Variants in BLTP3A observed in about 807,000 individuals in gnomAD.
BLTP3A encodes the protein ICBP90 binding protein 1.
At chr6:34,792,149 GGT>G in the BLTP3A span, 1 of 1,139,086 alleles carries the variant, frequency 8.8e-7, no homozygotes, top group African/African-American at 1.7e-5. Context: ...GGCTGTGTCC[GGT>G]GCTCACGCCG....
chr6:34,848,903 C>T, the BLTP3A span, among the ~76,000 whole-genome samples: 6 of 145,290 alleles, frequency 4.1e-5, no homozygotes, highest in Non-Finnish European at 9.0e-5. Context: ...TCCTGTCTTC[C>T]TTTCTGTGAA....
the BLTP3A span, chr6:34,835,374 C>A: frequency 6.2e-7 from 1 of 1,614,104 alleles, no homozygotes; most frequent in Middle Eastern, 1.6e-4. Flanking sequence ...ACTCACAGCT[C>A]AAGGCTATGA....
chr6:34,802,688 T>C, the BLTP3A span, among the ~76,000 whole-genome samples: 8 of 152,300 alleles, frequency 5.3e-5, no homozygotes, highest in South Asian at 1.7e-3. Flanking sequence ...GTCCAAATCC[T>C]GGTGATTCCA....
the BLTP3A span, among the ~76,000 whole-genome samples, chr6:34,843,770 T>C: frequency 6.6e-6 from 1 of 152,210 alleles, no homozygotes; most frequent in African/African-American, 2.4e-5. Flanking sequence ...AGTAGTGGGA[T>C]TGCCTGATCA....
chr6:34,858,677 G>T, the BLTP3A span: 1 of 1,614,102 alleles, frequency 6.2e-7, no homozygotes, highest in Non-Finnish European at 8.5e-7. Flanking sequence ...TCCCATCCGC[G>T]GTCAAAGACT....
the BLTP3A span, among the ~76,000 whole-genome samples, chr6:34,805,420 C>G: frequency 2.0e-5 from 3 of 151,658 alleles, no homozygotes; most frequent in Admixed American, 2.0e-4. Flanking sequence ...TGGCAAAACC[C>G]CATCTGTACT....
chr6:34,865,936 G>A, the BLTP3A span, among the ~76,000 whole-genome samples: 1 of 152,150 alleles, frequency 6.6e-6, no homozygotes, highest in Non-Finnish European at 1.5e-5. Flanking sequence ...GCAGGCCCGG[G>A]GCAGTGGCTC....
At chr6:34,822,588 G>A in the BLTP3A span, among the ~76,000 whole-genome samples, 11 of 152,114 alleles carry the variant, frequency 7.2e-5, no homozygotes, top group East Asian at 1.9e-4. Flanking sequence ...TTTGGGCCGG[G>A]TGCGGTGCTG....
chr6:34,807,764 G>A, the BLTP3A span, among the ~76,000 whole-genome samples: 1 of 152,230 alleles, frequency 6.6e-6, no homozygotes, highest in Non-Finnish European at 1.5e-5. Flanking sequence ...TGTAGGCTGG[G>A]TGCGGTGGCT....
At chr6:34,821,437 TTTGTTC>T in the BLTP3A span, 40 of 508,338 alleles carry the variant, frequency 7.9e-5, no homozygotes, top group South Asian at 4.1e-4. Context: ...TCTGAGTGCA[TTTGTTC>T]TGGCTGGTCT....
the BLTP3A span, chr6:34,821,549 T>C: frequency 8.8e-7 from 1 of 1,135,230 alleles, no homozygotes; most frequent in Middle Eastern, 2.3e-4. Context: ...TTAACAAATG[T>C]TCTTTAATTT....
chr6:34,825,604 G>T, the BLTP3A span, among the ~76,000 whole-genome samples: 734 of 152,320 alleles, frequency 4.8e-3, 12 homozygotes, highest in South Asian at 0.031. Flanking sequence ...ACTGAGTGCA[G>T]TCTCCGGCCT....
the BLTP3A span, among the ~76,000 whole-genome samples, chr6:34,837,719 C>T: frequency 6.6e-6 from 1 of 152,116 alleles, no homozygotes; most frequent in Non-Finnish European, 1.5e-5. Flanking sequence ...CCCTCCTCTA[C>T]TCTCATTCTG....
chr6:34,812,418 A>G, the BLTP3A span, among the ~76,000 whole-genome samples: 1 of 152,138 alleles, frequency 6.6e-6, no homozygotes, highest in Non-Finnish European at 1.5e-5. Flanking sequence ...GTAAACAACA[A>G]ACAAAAATTT....
chr6:34,836,213 C>CAGGGCA, the BLTP3A span: 1 of 1,614,198 alleles, frequency 6.2e-7, no homozygotes, highest in Non-Finnish European at 8.5e-7. Context: ...TGGTGGCAGC[C>CAGGGCA]AGGGCAACAG....
At chr6:34,829,027 CAAAAAAAAAAAAA>C in the BLTP3A span, among the ~76,000 whole-genome samples, 15 of 50,728 alleles carry the variant, frequency 3.0e-4, no homozygotes, top group African/African-American at 1.2e-3. Context: ...AACTCCATCT[CAAAAAAAAAAAAA>C]AAAAAAAAAA....
the BLTP3A span, among the ~76,000 whole-genome samples, chr6:34,830,032 CTTGA>C: frequency 6.6e-6 from 1 of 151,476 alleles, no homozygotes; most frequent in East Asian, 2.0e-4. Context: ...CCAGGCTGGT[CTTGA>C]ACTCCTGACC....
the BLTP3A span, chr6:34,835,392 T>C: frequency 1.7e-5 from 28 of 1,614,042 alleles, no homozygotes; most frequent in Non-Finnish European, 2.3e-5. Flanking sequence ...TGATGAAGTA[T>C]GCAGAGTCAC....
At chr6:34,834,906 T>C in the BLTP3A span, 5 of 1,592,938 alleles carry the variant, frequency 3.1e-6, no homozygotes, top group Non-Finnish European at 1.7e-6. Context: ...TCTCTTATTC[T>C]ATGAGACAGC....
Sources: allele counts gnomAD v4.1 joint callset (sites outside exome capture counted in the v4.1 genomes callset), GRCh38; gene constraint gnomAD v4.1.1; transcripts MANE v1.5; gene names NCBI Gene and HGNC (gene_info 2026-07-23, HGNC 2026-07-21).